Variants in FAM13B observed in about 807,000 individuals in gnomAD.
The protein encoded by FAM13B is family with sequence similarity 13 member B, also known as protein FAM13B.
Under a neutral mutation model 117.3 loss-of-function variants are expected in FAM13B, and 60 were observed. The observed-to-expected ratio is 0.51, with a 90% confidence interval of 0.42 to 0.63. FAM13B has a LOEUF of 0.63. Ranked by LOEUF, FAM13B falls within the 30% of genes least tolerant of loss-of-function variation. The pLI is 0.00. For synonymous variants in FAM13B, 332 were observed against 356.1 expected, an observed-to-expected ratio of 0.93 and a Z score of 0.76; for missense variants, 972 against 1,091.9, an observed-to-expected ratio of 0.89 and a Z score of 1.55.
Position 138,006,996 on chromosome 5 carries a change from G to C in FAM13B, c.842C>G (p.Ala281Gly). The change falls in exon 7 of 24, where the codon GCA becomes GGA. Residue 281 changes from alanine to glycine, a missense_variant. Coordinates refer to ENST00000689681, the MANE Select transcript of FAM13B (RefSeq NM_001385994.1). ...ENILESNSVT[A>G]TSTHISPISI... ...CATTCAACTGAGCTATTACCTTGTT[G>C]CCGTAACACTATTTGATTCCAGGAT... 1 of 1,604,426 alleles carries C rather than the reference G, an allele frequency of 6.2e-7. No homozygotes were observed. Among genetic ancestry groups the C allele is most frequent in the Non-Finnish European group, 8.5e-7 (1 of 1,177,586 alleles).
intron 1 of FAM13B, among the ~76,000 whole-genome samples, chr5:138,048,085 G>A (rs1041663132): frequency 6.6e-6 from 1 of 151,906 alleles, no homozygotes; most frequent in African/African-American, 2.4e-5. Context: ...AAGAAAGAAA[G>A]AAATCCAAAA....
At chr5:137,967,729 T>C (rs1770504765) in intron 10 of FAM13B, among the ~76,000 whole-genome samples, 1 of 151,666 alleles carries the variant, frequency 6.6e-6, no homozygotes, top group Non-Finnish European at 1.5e-5. Flanking sequence ...TCCTTCTCTG[T>C]AAAAAAATTA....
intron 4 of FAM13B, among the ~76,000 whole-genome samples, chr5:138,012,216 CT>C (rs36054299): frequency 1.9e-4 from 23 of 121,758 alleles, no homozygotes; most frequent in African/African-American, 3.0e-4. Flanking sequence ...CCCCAATTCT[CT>C]TTTTTTTTTT....
At chr5:137,971,536 A>G (rs997210377) in intron 10 of FAM13B, among the ~76,000 whole-genome samples, 4 of 149,166 alleles carry the variant, frequency 2.7e-5, no homozygotes, top group African/African-American at 9.8e-5. Flanking sequence ...ACACCCTAAC[A>G]TCACAATTAA....
chr5:138,025,314 T>TA (rs1491130029), intron 1 of FAM13B, among the ~76,000 whole-genome samples: 11 of 79,772 alleles, frequency 1.4e-4, no homozygotes, highest in South Asian at 1.2e-3. Context: ...TATATATGTA[T>TA]TTTTTTTTTT....
At chr5:137,940,400 G>A in intron 23 of FAM13B, 52 bp from the exon 24 acceptor site, 1 of 1,351,356 alleles carries the variant, frequency 7.4e-7, no homozygotes, top group Non-Finnish European at 1.0e-6. Flanking sequence ...TGGAAAAAAA[G>A]ATCCAAAAGT....
chr5:138,004,086 T>A (rs1002667377), intron 7 of FAM13B, among the ~76,000 whole-genome samples: 1 of 151,852 alleles, frequency 6.6e-6, no homozygotes, highest in African/African-American at 2.4e-5. Context: ...CTGGCCAACA[T>A]GGTGAAATCC....
At chr5:138,015,177 C>G (rs1784962127) in intron 4 of FAM13B, among the ~76,000 whole-genome samples, 1 of 152,184 alleles carries the variant, frequency 6.6e-6, no homozygotes, top group Non-Finnish European at 1.5e-5. Flanking sequence ...CTAAGGTACA[C>G]AACTCCCCAT....
chr5:137,961,555 T>C (rs1768125923), intron 11 of FAM13B, among the ~76,000 whole-genome samples: 2 of 152,160 alleles, frequency 1.3e-5, no homozygotes, highest in African/African-American at 4.8e-5. Context: ...ATGGGGAGGC[T>C]CCAGAGACGT....
In FAM13B at chr5:138,028,549, G is replaced by A. The variant is rs2011435; in HGVS notation, c.-203+4233C>T. On this transcript the variant is annotated intron_variant, in intron 1 of 23. Coordinates refer to ENST00000689681, the MANE Select transcript of FAM13B (RefSeq NM_001385994.1). ...AAAAAGCAGTGGTTAAACTTTTTTT[G>A]TATATCTTCCCCACTAGATTGTGAA... Among the ~76,000 whole-genome samples the A allele has an allele frequency of 6.2e-3, 943 of 151,988 alleles. 13 individuals are homozygous for A. The highest frequency in any genetic ancestry group is 0.022 in the African/African-American group (909 of 41,486).
intron 10 of FAM13B, among the ~76,000 whole-genome samples, chr5:137,967,205 G>A (rs550335314): frequency 9.2e-5 from 14 of 152,088 alleles, no homozygotes; most frequent in Admixed American, 7.2e-4. Context: ...GCGACTGATC[G>A]TTAAGAAAGT....
At chr5:137,946,048 C>A in intron 19 of FAM13B, 51 bp from the exon 20 acceptor site, 1 of 1,468,268 alleles carries the variant, frequency 6.8e-7, no homozygotes, top group Non-Finnish European at 9.4e-7. Context: ...TCTAAAATGT[C>A]CAAAACATTA....
chr5:138,029,869 T>C (rs762329500), intron 1 of FAM13B, among the ~76,000 whole-genome samples: 9 of 152,200 alleles, frequency 5.9e-5, no homozygotes, highest in Non-Finnish European at 8.8e-5. Context: ...AGGGCAATAA[T>C]AGAAACTTGA....
chr5:137,946,401 C>A, intron 18 of FAM13B, 90 bp from the exon 19 acceptor site: 1 of 792,110 alleles, frequency 1.3e-6, no homozygotes, highest in South Asian at 1.7e-5. Flanking sequence ...TCTCCTCACT[C>A]CCACAATGTA....
At position 137,939,701 on chromosome 5, in the gene FAM13B, C is replaced by T. The variant is rs56124297; in HGVS notation, c.*524G>A. ...TTAAACAGAAAGGTGTTCCATAGTACGACTTGAAATCTCAGTTTGATTTTG... is the reference window on the plus strand; with the variant it reads ...TTAAACAGAAAGGTGTTCCATAGTATGACTTGAAATCTCAGTTTGATTTTG... On this transcript the variant is annotated 3_prime_UTR_variant, in exon 24 of 24. Transcript: ENST00000689681. 1,473 of 230,652 alleles carry T rather than the reference C, an allele frequency of 6.4e-3. 15 individuals carry two copies. Among genetic ancestry groups the T allele is most frequent in the Non-Finnish European group, 7.2e-3 (945 of 131,174 alleles). The allele number at this position is 230,652 out of a possible 1,614,324, so 14.3% of individuals were successfully genotyped here. A position where few individuals can be genotyped will look rare whatever the true frequency, so the allele number is the denominator to read the frequency against.
intron 7 of FAM13B, among the ~76,000 whole-genome samples, chr5:138,006,326 G>A (rs1782567578): frequency 1.3e-5 from 2 of 152,162 alleles, no homozygotes; most frequent in South Asian, 2.1e-4. Context: ...TACGGAGAAC[G>A]AGCATAGAAT....
At chr5:138,019,915 C>T (rs1023247961) in intron 2 of FAM13B, 16 of 383,452 alleles carry the variant, frequency 4.2e-5, no homozygotes, top group African/African-American at 1.1e-4. Flanking sequence ...CTCCTGACCT[C>T]GTGATCTGCC....
intron 7 of FAM13B, among the ~76,000 whole-genome samples, chr5:137,995,781 T>C (rs757467879): frequency 6.6e-6 from 1 of 152,202 alleles, no homozygotes; most frequent in Non-Finnish European, 1.5e-5. Context: ...AAAGGCATCA[T>C]TTACAGGAGA....
chr5:138,008,305 G>A (rs1460391381), intron 6 of FAM13B, among the ~76,000 whole-genome samples: 1 of 152,136 alleles, frequency 6.6e-6, no homozygotes, highest in African/African-American at 2.4e-5. Context: ...AGCCAGGCAT[G>A]GTGGCATGTG....
Sources: allele counts gnomAD v4.1 joint callset (sites outside exome capture counted in the v4.1 genomes callset), GRCh38; gene constraint gnomAD v4.1.1; transcripts MANE v1.5; gene names NCBI Gene and HGNC (gene_info 2026-07-23, HGNC 2026-07-21).